APBA1: variants seen among roughly 807,000 people sequenced by gnomAD.
APBA1 encodes the protein amyloid beta precursor protein binding family A member 1, also known as amyloid-beta A4 precursor protein-binding family A member 1.
In APBA1, 55 loss-of-function variants were observed where a neutral mutation model predicts 86.6. That is an observed-to-expected ratio of 0.64 (90% CI 0.51 to 0.80). The LOEUF is 0.80. APBA1 is among the 30% of genes least tolerant of loss of function. The pLI, the probability that APBA1 is intolerant of heterozygous loss-of-function variation, is 0.00. For synonymous variants in APBA1, 511 were observed against 493.9 expected, an observed-to-expected ratio of 1.03 and a Z score of -0.46; for missense variants, 1,090 against 1,183.0, an observed-to-expected ratio of 0.92 and a Z score of 1.15.
intron 1 of APBA1, among the ~76,000 whole-genome samples, chr9:69,607,039 G>C (rs1193543736): frequency 6.6e-6 from 1 of 152,202 alleles, no homozygotes; most frequent in Non-Finnish European, 1.5e-5. Flanking sequence ...ATTCTGGCCA[G>C]AATTGTATTT....
Position 69,430,871 on chromosome 9 carries a change from C to T in APBA1, c.*456G>A, listed in dbSNP as rs1834578663. The T allele has an allele frequency of 6.4e-6, 1 of 156,690 alleles. No homozygotes were observed. The highest frequency in any genetic ancestry group is 1.4e-5 in the Non-Finnish European group (1 of 70,888). 9.7% of individuals were successfully genotyped at this position (156,690 alleles called of 1,614,324 possible). A position where few individuals can be genotyped will look rare whatever the true frequency, so the allele number is the denominator to read the frequency against. On this transcript the variant is annotated 3_prime_UTR_variant, in exon 13 of 13. Transcript: ENST00000265381. ...CATAACCTTAATGACGTGGGCTGGC[C>T]CTGGGTACTACCACATTCCCACAGA...
chr9:69,656,688 C>T (rs1261431531), intron 1 of APBA1, among the ~76,000 whole-genome samples: 2 of 152,194 alleles, frequency 1.3e-5, no homozygotes, highest in East Asian at 1.9e-4. Flanking sequence ...GCAAGCTCTA[C>T]GCTTGATATT....
chr9:69,601,837 C>T (rs1264751616), intron 1 of APBA1, among the ~76,000 whole-genome samples: 3 of 152,136 alleles, frequency 2.0e-5, no homozygotes, highest in Non-Finnish European at 4.4e-5. Context: ...ACTACTTTCC[C>T]GAAGAGAGTC....
chr9:69,486,997 C>A (rs1356218598), intron 2 of APBA1, among the ~76,000 whole-genome samples: 1 of 151,882 alleles, frequency 6.6e-6, no homozygotes, highest in Non-Finnish European at 1.5e-5. Context: ...AGTTACCACT[C>A]TCGCCCCTTG....
intron 1 of APBA1, among the ~76,000 whole-genome samples, chr9:69,556,652 A>G (rs1040707691): frequency 2.0e-5 from 3 of 152,162 alleles, no homozygotes; most frequent in Non-Finnish European, 4.4e-5. Context: ...CTCTTTAATT[A>G]TATTGTAAAA....
Position 69,432,579 on chromosome 9 carries a change from G to T in APBA1, c.2399C>A (p.Pro800His). 5 of 1,600,038 alleles carry T rather than the reference G, an allele frequency of 3.1e-6. No homozygotes were observed. Among genetic ancestry groups the T allele is most frequent in the Non-Finnish European group, 3.4e-6 (4 of 1,174,048 alleles). ...GAGAATGTGGACGATCTTCTCGTGGGGGGTGGCCACGACGCTCTGTCCATT... is the reference window on the plus strand; with the variant it reads ...GAGAATGTGGACGATCTTCTCGTGGTGGGTGGCCACGACGCTCTGTCCATT... ...EINGQSVVAT[P>H]HEKIVHILSN... The change falls in exon 12 of 13, where the codon CCC (proline) becomes CAC (histidine). Residue 800 changes from proline to histidine, a missense_variant. Coordinates refer to ENST00000265381, the MANE Select transcript of APBA1 (RefSeq NM_001163.4).
intron 12 of APBA1, among the ~76,000 whole-genome samples, chr9:69,432,118 G>A (rs1376340517): frequency 2.6e-5 from 4 of 152,254 alleles, no homozygotes; most frequent in African/African-American, 7.2e-5. Context: ...GTAATGACAC[G>A]TCATGCCACA....
At chr9:69,566,931 G>A (rs1837035678) in intron 1 of APBA1, among the ~76,000 whole-genome samples, 1 of 152,140 alleles carries the variant, frequency 6.6e-6, no homozygotes, top group East Asian at 1.9e-4. Context: ...TGTCAGGGCT[G>A]TGAGGGCTGA....
chr9:69,487,210 G>A (rs1166789148), intron 2 of APBA1, among the ~76,000 whole-genome samples: 2 of 152,000 alleles, frequency 1.3e-5, no homozygotes, highest in African/African-American at 4.8e-5. Flanking sequence ...TCCTGACAAA[G>A]TTTTGGAGAA....
chr9:69,484,989 T>TA (rs1361659989), intron 2 of APBA1, among the ~76,000 whole-genome samples: 1 of 151,922 alleles, frequency 6.6e-6, no homozygotes, highest in East Asian at 1.9e-4. Context: ...AAAACTTTTT[T>TA]TTTTTTTGTA....
chr9:69,585,807 C>G (rs1822007472), intron 1 of APBA1, among the ~76,000 whole-genome samples: 1 of 152,130 alleles, frequency 6.6e-6, no homozygotes. Context: ...CATCTGCTCA[C>G]CTGCTGAGCA....
chr9:69,644,766 C>A (rs1004506330), intron 1 of APBA1, among the ~76,000 whole-genome samples: 3 of 152,132 alleles, frequency 2.0e-5, no homozygotes, highest in African/African-American at 7.2e-5. Context: ...TGGTGACACC[C>A]CTTGGAAGCA....
intron 2 of APBA1, among the ~76,000 whole-genome samples, chr9:69,505,392 T>C (rs1244810800): frequency 1.3e-5 from 2 of 152,050 alleles, no homozygotes; most frequent in African/African-American, 4.8e-5. Context: ...TGCAGTCTTC[T>C]CCATGTTTGA....
chr9:69,536,390 G>C (rs1032644256), intron 1 of APBA1, among the ~76,000 whole-genome samples: 34 of 151,824 alleles, frequency 2.2e-4, no homozygotes, highest in African/African-American at 8.0e-4. Flanking sequence ...CATGATGATG[G>C]CCAGTCTTGA....
At chr9:69,477,483 C>T (rs1252993175) in intron 2 of APBA1, among the ~76,000 whole-genome samples, 1 of 112,996 alleles carries the variant, frequency 8.8e-6, no homozygotes, top group Non-Finnish European at 1.8e-5. Flanking sequence ...CCCACGGAGT[C>T]TCACTGATTG....
chr9:69,450,067 T>G (rs796527680), intron 9 of APBA1, among the ~76,000 whole-genome samples: 45 of 149,462 alleles, frequency 3.0e-4, no homozygotes, highest in African/African-American at 9.5e-4. Context: ...TTTTTTTTTT[T>G]TTTTTTTTTT....
intron 1 of APBA1, among the ~76,000 whole-genome samples, chr9:69,629,433 T>A (rs958668803): frequency 6.6e-6 from 1 of 152,182 alleles, no homozygotes; most frequent in Non-Finnish European, 1.5e-5. Flanking sequence ...TCTACAGGCA[T>A]TAAGAATTCA....
At chr9:69,620,052 C>G (rs577510877) in intron 1 of APBA1, among the ~76,000 whole-genome samples, 1 of 152,320 alleles carries the variant, frequency 6.6e-6, no homozygotes, top group East Asian at 1.9e-4. Context: ...ACAGTCTTCC[C>G]TTAACATCTT....
intron 2 of APBA1, among the ~76,000 whole-genome samples, chr9:69,501,286 T>C (rs1039896567): frequency 2.6e-5 from 4 of 152,128 alleles, no homozygotes; most frequent in Non-Finnish European, 2.9e-5. Flanking sequence ...AGAAACTACA[T>C]TTTTGGACTC....
Sources: allele counts gnomAD v4.1 joint callset (sites outside exome capture counted in the v4.1 genomes callset), GRCh38; gene constraint gnomAD v4.1.1; transcripts MANE v1.5; gene names NCBI Gene and HGNC (gene_info 2026-07-23, HGNC 2026-07-21).